The following ZNF217 variants were observed in gnomAD, a reference collection of about 807,000 sequenced individuals.
ZNF217 encodes zinc finger protein 217.
A neutral mutation model predicts 73.3 loss-of-function variants in ZNF217; 12 were observed. That is an observed-to-expected ratio of 0.16 (90% CI 0.10 to 0.27). The LOEUF (loss-of-function observed/expected upper bound fraction) is 0.27. Among genes scored for constraint, ZNF217 ranks in the 10% least tolerant of loss-of-function variants. ZNF217 has a pLI of 1.00. For missense variants in ZNF217, 1,195 were observed against 1,327.8 expected, an observed-to-expected ratio of 0.90 and a Z score of 1.55; for synonymous variants, 588 against 516.4, an observed-to-expected ratio of 1.14 and a Z score of -1.88.
At chr20:53,577,886 C>A (rs560610431) in intron 3 of ZNF217, among the ~76,000 whole-genome samples, 25 of 152,266 alleles carry the variant, frequency 1.6e-4, no homozygotes, top group African/African-American at 6.0e-4. Context: ...CCAAGGTGAG[C>A]GGATCACTTG....
upstream of ZNF217, among the ~76,000 whole-genome samples, chr20:53,594,303 G>C (rs1018718310): frequency 6.6e-6 from 1 of 150,902 alleles, no homozygotes; most frequent in Non-Finnish European, 1.5e-5. Flanking sequence ...CCTCGGCCCC[G>C]CCGCTCGGAG....
chr20:53,588,100 T>TTA (rs1416535708), intron 1 of ZNF217, among the ~76,000 whole-genome samples: 1 of 152,024 alleles, frequency 6.6e-6, no homozygotes, highest in Non-Finnish European at 1.5e-5. Flanking sequence ...ATAATTTCAT[T>TTA]TTGCTGAAAT....
chr20:53,575,533 C>A, intron 4 of ZNF217, 194 bp downstream of exon 4: 1 of 556,574 alleles, frequency 1.8e-6, no homozygotes, highest in Admixed American at 3.4e-5. Flanking sequence ...AAGAGTTAAA[C>A]CCACAGAGTT....
intron 1 of ZNF217, among the ~76,000 whole-genome samples, chr20:53,584,160 C>G (rs1427504608): frequency 1.3e-5 from 2 of 152,234 alleles, no homozygotes; most frequent in Admixed American, 6.5e-5. Context: ...AGCCAATACC[C>G]TCTGCCTTTA....
chr20:53,582,267 T>C lies in ZNF217; in HGVS notation c.560A>G (p.Lys187Arg), dbSNP rs1458035966. The C allele has an allele frequency of 2.5e-6, 4 of 1,614,220 alleles. No individual in the cohort carries two copies. Among genetic ancestry groups the C allele is most frequent in the South Asian group, 1.1e-5 (1 of 91,090 alleles). Residue 187 changes from lysine to arginine, a missense_variant, in exon 2 of 6, where the codon AAA (lysine) becomes AGA (arginine). By Grantham distance (26) the Lys-to-Arg change is conservative. Transcript: ENST00000371471. The surrounding 1 kb of genome is among the most constrained non-coding windows in gnomAD (Gnocchi z 4.8). The stretch of plus-strand genomic sequence containing the variant: ...ACTACTCTCCAAGCCTTGCTGCAGT[T>C]TGCTTCTGGCCCCCGATTTGCCATT... ...THNGKSGARS[K>R]LQQGLESSPA... is the part of the protein sequence containing the mutation.
upstream of ZNF217, among the ~76,000 whole-genome samples, chr20:53,594,274 G>C (rs995046655): frequency 6.6e-6 from 1 of 151,336 alleles, no homozygotes; most frequent in African/African-American, 2.4e-5. Flanking sequence ...AGTGTTCAGG[G>C]AGCAGCTGTT....
chr20:53,571,294 C>G (rs1464396095), intron 5 of ZNF217, among the ~76,000 whole-genome samples: 1 of 151,930 alleles, frequency 6.6e-6, no homozygotes, highest in Non-Finnish European at 1.5e-5. Flanking sequence ...CCTGAGGACT[C>G]TAATTTTAAA....
chr20:53,578,292 T>C (rs1988358745), intron 3 of ZNF217, 42 bp downstream of exon 3: 2 of 1,348,100 alleles, frequency 1.5e-6, no homozygotes, highest in South Asian at 1.3e-5. Context: ...GATAACTACA[T>C]AATTTAACTA....
In ZNF217 at chr20:53,571,798, G is replaced by A. The variant is rs771636375; in HGVS notation, c.3093C>T (p.Asn1031=). The part of the protein sequence containing the change: ...HLSNSMAQKR[N]YENFIGNAHY... ...GTGCATTCCCAATAAAATTCTCATA[G>A]TTTCTCTTTTGTGCCATGCTGTTAG... The change falls in exon 5 of 6, where the codon AAC becomes AAT. Residue 1031 remains asparagine (N), a synonymous_variant. Transcript: ENST00000371471. The A allele has an allele frequency of 5.6e-6, 9 of 1,612,328 alleles. No individual in the cohort carries two copies. Among genetic ancestry groups the A allele is most frequent in the East Asian group, 2.2e-5 (1 of 44,760 alleles).
intron 2 of ZNF217, among the ~76,000 whole-genome samples, chr20:53,580,450 T>C (rs1464303490): frequency 6.6e-6 from 1 of 152,196 alleles, no homozygotes; most frequent in Non-Finnish European, 1.5e-5. Context: ...TCAGGGTCTT[T>C]TCAACTGTTT....
chr20:53,583,998 A>T (rs1424387851), intron 1 of ZNF217, among the ~76,000 whole-genome samples: 3 of 152,240 alleles, frequency 2.0e-5, no homozygotes, highest in Non-Finnish European at 4.4e-5. Flanking sequence ...CTGTTTCAAC[A>T]TGGCTTAGTC....
Position 53,582,206 on chromosome 20 carries a change from C to A in ZNF217, c.621G>T (p.Ala207=), listed in dbSNP as rs761149294. 4.3e-6 allele frequency: 7 copies of A among 1,613,946 alleles called. No homozygotes were observed. The highest frequency in any genetic ancestry group is 8.5e-7 in the Non-Finnish European group (1 of 1,180,054). The change falls in exon 2 of 6, where the codon GCG becomes GCT. Residue 207 remains alanine (A), a synonymous_variant. Coordinates refer to ENST00000371471, the MANE Select transcript of ZNF217 (RefSeq NM_006526.3). This position sits in a 1 kb window ranked among gnomAD's most constrained non-coding sequence, Gnocchi z 4.8. ...TGTAAGGAGAGGAGATGCTCTCGGC[C>A]GCGTGCACCTGGACGACCTCGTTGA... ...ATINEVVQVH[A]AESISSPYKI...
intron 1 of ZNF217, among the ~76,000 whole-genome samples, chr20:53,583,752 A>G (rs1467791449): frequency 1.3e-5 from 2 of 152,268 alleles, no homozygotes; most frequent in Non-Finnish European, 2.9e-5. Context: ...TCCCCATTCA[A>G]GAAATACTTA....
In ZNF217 at chr20:53,582,409, C is replaced by G; in HGVS notation, c.418G>C (p.Ala140Pro). The G allele has an allele frequency of 6.2e-7, 1 of 1,614,128 alleles. No homozygotes were observed. Among genetic ancestry groups the G allele is most frequent in the East Asian group, 2.2e-5 (1 of 44,884 alleles). ...CEVCGQTFRV[A>P]FDVEIHMRTH... is the part of the protein sequence containing the mutation. ...CTCATGTGGATCTCAACATCAAAAG[C>G]GACTCTAAATGTCTGCCCACATACC... The change falls in exon 2 of 6, where the codon GCT (alanine) becomes CCT (proline). Residue 140 changes from alanine to proline, a missense_variant. Around this residue, in one of 9 missense-constraint regions of ZNF217, gnomAD observed 147 missense variants for 184.3 expected, o/e 0.80. Coordinates refer to ENST00000371471, the MANE Select transcript of ZNF217 (RefSeq NM_006526.3). The surrounding 1 kb of genome is among the most constrained non-coding windows in gnomAD (Gnocchi z 4.8).
At chr20:53,587,041 A>G (rs1314610085) in intron 1 of ZNF217, among the ~76,000 whole-genome samples, 1 of 152,274 alleles carries the variant, frequency 6.6e-6, no homozygotes, top group Non-Finnish European at 1.5e-5. Context: ...ACATTTTAAA[A>G]TCTTTACTCA....
chr20:53,582,721 C>T lies in ZNF217; in HGVS notation c.106G>A (p.Asp36Asn). 4 of 1,614,172 alleles carry T rather than the reference C, an allele frequency of 2.5e-6. No homozygotes were observed. In the South Asian group the frequency reaches 4.4e-5, roughly 18 times the overall value. Reference protein sequence around the residue: ...SSLGSPMEMEDALSMKGTAVV... With the variant: ...SSLGSPMEMENALSMKGTAVV... ...GCGGTCCCTTTCATTGACAAGGCAT[C>T]CTCCATCTCCATCGGACTGCCAAGA... Residue 36 changes from aspartate to asparagine, a missense_variant, in exon 2 of 6, where the codon GAT becomes AAT. This residue lies in a region of ZNF217 where 147 missense variants were observed against 184.3 expected (regional missense o/e 0.80). Transcript: ENST00000371471. The surrounding 1 kb of genome is among the most constrained non-coding windows in gnomAD (Gnocchi z 4.8).
At position 53,581,754 on chromosome 20, in the gene ZNF217, G is replaced by C. The variant is rs772254816; in HGVS notation, c.1073C>G (p.Ala358Gly). ...KEKCKHSHGEAPSVDADPKLP... is the reference protein window; with the variant it reads ...KEKCKHSHGEGPSVDADPKLP... ...CTTGGGATCCGCGTCCACGGAGGGC[G>C]CTTCGCCGTGGGAGTGTTTGCACTT... The change falls in exon 2 of 6, where the codon GCG (alanine) becomes GGG (glycine). Residue 358 changes from alanine (A) to glycine (G), a missense_variant. Transcript: ENST00000371471. This position sits in a 1 kb window ranked among gnomAD's most constrained non-coding sequence, Gnocchi z 4.9. The C allele has an allele frequency of 3.1e-6, 5 of 1,614,136 alleles. No homozygotes were observed. Among genetic ancestry groups the C allele is most frequent in the Non-Finnish European group, 4.2e-6 (5 of 1,180,036 alleles).
At chr20:53,585,097 A>G (rs1411751459) in intron 1 of ZNF217, among the ~76,000 whole-genome samples, 33 of 98,406 alleles carry the variant, frequency 3.4e-4, no homozygotes, top group African/African-American at 1.5e-3. Flanking sequence ...GAGAATTTGA[A>G]AAAAAAAAAA....
At chr20:53,569,615 T>C (rs1449672098) in intron 5 of ZNF217, among the ~76,000 whole-genome samples, 3 of 152,174 alleles carry the variant, frequency 2.0e-5, no homozygotes, top group Non-Finnish European at 2.9e-5. Context: ...AACTCCTGAC[T>C]TCAAGTGATC....
Sources: allele counts gnomAD v4.1 joint callset (sites outside exome capture counted in the v4.1 genomes callset), GRCh38; gene constraint gnomAD v4.1.1; regional missense constraint gnomAD v4.1.1; non-coding constraint Gnocchi (gnomAD v3.1); transcripts MANE v1.5; gene names NCBI Gene and HGNC (gene_info 2026-07-23, HGNC 2026-07-21).